Variants in PTPRN2 observed in about 807,000 individuals in gnomAD.
PTPRN2 encodes protein tyrosine phosphatase receptor type N2, also known as receptor-type tyrosine-protein phosphatase N2.
Under a neutral mutation model 118.8 loss-of-function variants are expected in PTPRN2, and 74 were observed. The observed-to-expected ratio is 0.62, with a 90% CI of 0.52 to 0.76. The LOEUF is 0.76. PTPRN2 is among the 30% of genes least tolerant of loss of function. The pLI, the probability that PTPRN2 is intolerant of heterozygous loss-of-function variation, is 0.00. For synonymous variants in PTPRN2, 641 were observed against 608.0 expected, an observed-to-expected ratio of 1.05 and a Z score of -0.80; for missense variants, 1,481 against 1,394.4, an observed-to-expected ratio of 1.06 and a Z score of -0.99.
At chr7:157,576,520 C>CA in intron 19 of PTPRN2, 93 bp downstream of exon 19, 1 of 1,309,182 alleles carries the variant, frequency 7.6e-7, no homozygotes, top group South Asian at 1.6e-5. Flanking sequence ...ACGCGGCCCT[C>CA]GGCGCCAGGG....
At chr7:158,566,134 C>T (rs985844690) in intron 1 of PTPRN2, among the ~76,000 whole-genome samples, 1 of 152,036 alleles carries the variant, frequency 6.6e-6, no homozygotes, top group Non-Finnish European at 1.5e-5. Flanking sequence ...GGGTGGATCA[C>T]CTGAGGTTAG....
At chr7:158,019,865 C>T (rs1055210579) in intron 11 of PTPRN2, among the ~76,000 whole-genome samples, 1 of 152,246 alleles carries the variant, frequency 6.6e-6, no homozygotes, top group African/African-American at 2.4e-5. Flanking sequence ...AGACACAGCA[C>T]AGCGGCCCCC....
chr7:158,244,339 T>A (rs1313131561), intron 3 of PTPRN2, among the ~76,000 whole-genome samples: 2 of 152,202 alleles, frequency 1.3e-5, no homozygotes, highest in African/African-American at 2.4e-5. Context: ...GGCAGTGTCC[T>A]GAAGAAAAAG....
At position 157,985,203 on chromosome 7, in the gene PTPRN2, C is replaced by T. The variant is rs892741735; in HGVS notation, c.1724-86466G>A. ...CATCCAGTGCATTCCACATAAAAAG[C>T]GTGCACCTGGAGGAAACTAAATAAT... On this transcript the variant is annotated intron_variant, in intron 11 of 22. Coordinates refer to ENST00000389418, the MANE Select transcript of PTPRN2 (RefSeq NM_002847.5). 4.6e-5 allele frequency among the ~76,000 whole-genome samples: 7 copies of T among 152,328 alleles called. No individual in the cohort carries two copies. The East Asian group carries it at 5.8e-4, about 13-fold the overall frequency.
chr7:158,297,150 T>C (rs1800560749), intron 3 of PTPRN2, among the ~76,000 whole-genome samples: 1 of 152,226 alleles, frequency 6.6e-6, no homozygotes, highest in African/African-American at 2.4e-5. Flanking sequence ...ACAGCACATA[T>C]ACAGCTTCTG....
intron 13 of PTPRN2, among the ~76,000 whole-genome samples, chr7:157,662,068 T>C (rs1443719203): frequency 6.6e-6 from 1 of 152,180 alleles, no homozygotes; most frequent in Non-Finnish European, 1.5e-5. Flanking sequence ...ACTCATTCAC[T>C]CATAGCACCT....
intron 3 of PTPRN2, among the ~76,000 whole-genome samples, chr7:158,213,460 T>C (rs1827752630): frequency 6.6e-6 from 1 of 152,154 alleles, no homozygotes. Flanking sequence ...TGAAGAATGA[T>C]AGGAAAATTC....
chr7:158,413,645 T>A (rs1814389278), intron 2 of PTPRN2, among the ~76,000 whole-genome samples: 1 of 152,122 alleles, frequency 6.6e-6, no homozygotes, highest in Non-Finnish European at 1.5e-5. Flanking sequence ...CCCACCCCTC[T>A]CCCGGGAGGA....
At chr7:158,358,545 G>A (rs1808571689) in intron 2 of PTPRN2, among the ~76,000 whole-genome samples, 1 of 152,248 alleles carries the variant, frequency 6.6e-6, no homozygotes, top group Non-Finnish European at 1.5e-5. Flanking sequence ...GCCAGACACA[G>A]AAACAACCCA....
chr7:158,067,365 GC>G (rs1382921699), intron 11 of PTPRN2, among the ~76,000 whole-genome samples: 1 of 152,190 alleles, frequency 6.6e-6, no homozygotes, highest in Non-Finnish European at 1.5e-5. Context: ...CTGGCAGGGG[GC>G]AGGGGTTTGT....
At chr7:158,419,829 T>A (rs887524216) in intron 2 of PTPRN2, among the ~76,000 whole-genome samples, 1 of 151,986 alleles carries the variant, frequency 6.6e-6, no homozygotes, top group African/African-American at 2.4e-5. Flanking sequence ...TTTTATTATC[T>A]CCAAATCCAA....
intron 12 of PTPRN2, among the ~76,000 whole-genome samples, chr7:157,846,418 A>G (rs1403749000): frequency 2.0e-5 from 3 of 152,056 alleles, no homozygotes; most frequent in Non-Finnish European, 4.4e-5. Context: ...TGACGCTCTA[A>G]AAATGCAAAG....
intron 17 of PTPRN2, among the ~76,000 whole-genome samples, chr7:157,578,579 G>C (rs1167329226): frequency 6.6e-6 from 1 of 152,226 alleles, no homozygotes; most frequent in Non-Finnish European, 1.5e-5. Flanking sequence ...GCCTCCGAAA[G>C]GCTTCTTTTC....
chr7:158,166,629 G>A lies in PTPRN2; in HGVS notation c.910+302C>T, dbSNP rs540427880. 3.2e-3 allele frequency among the ~76,000 whole-genome samples: 453 copies of A among 143,378 alleles called. 21 individuals are homozygous for A. The East Asian group carries it at 0.09, about 29-fold the overall frequency. 94.1% of individuals were successfully genotyped at this position (143,378 alleles called of 152,430 possible). A position where few individuals can be genotyped will look rare whatever the true frequency, so the allele number is the denominator to read the frequency against. On this transcript the variant is annotated intron_variant, in intron 6 of 22. Coordinates refer to ENST00000389418, the MANE Select transcript of PTPRN2 (RefSeq NM_002847.5). ...ATCACCTCCCCTCCCACTGGCCGCT[G>A]TGTTCACTGTCCTCACACCCTCAGC...
chr7:157,753,058 G>A (rs1054733447), intron 12 of PTPRN2, among the ~76,000 whole-genome samples: 4 of 152,220 alleles, frequency 2.6e-5, no homozygotes, highest in Admixed American at 1.3e-4. Flanking sequence ...GAACTAACTG[G>A]GAGGAAAGGC....
chr7:158,398,232 T>G (rs1324026433), intron 2 of PTPRN2, among the ~76,000 whole-genome samples: 1 of 152,230 alleles, frequency 6.6e-6, no homozygotes, highest in African/African-American at 2.4e-5. Context: ...TTTGAACAGA[T>G]TTGTGTTTTC....
chr7:158,192,262 T>G lies in PTPRN2; in HGVS notation c.549+65A>C, dbSNP rs1825823970. 4 of 1,384,348 alleles carry G rather than the reference T, an allele frequency of 2.9e-6. No homozygotes were observed. The African/African-American group carries it at 4.6e-5, about 16-fold the overall frequency. The allele number at this position is 1,384,348 out of a possible 1,614,324, so 85.8% of individuals were successfully genotyped here. On this transcript the variant is annotated intron_variant, in intron 5 of 22. Coordinates refer to ENST00000389418, the MANE Select transcript of PTPRN2 (RefSeq NM_002847.5). Reference sequence around the variant, plus strand: ...AGAGGAGCCAGCGACTAAGGAAACATGCCCAGGTACCTGCACCCTGAAGGA... The same window carrying G: ...AGAGGAGCCAGCGACTAAGGAAACAGGCCCAGGTACCTGCACCCTGAAGGA...
At chr7:158,040,740 T>C (rs1218624105) in intron 11 of PTPRN2, among the ~76,000 whole-genome samples, 2 of 148,776 alleles carry the variant, frequency 1.3e-5, no homozygotes, top group South Asian at 2.1e-4. Flanking sequence ...TTCTTTCTTT[T>C]TTTTTTTTTT....
At chr7:158,541,764 C>A in intron 1 of PTPRN2, 1 of 1,190,546 alleles carries the variant, frequency 8.4e-7, no homozygotes, top group Middle Eastern at 3.8e-4. Flanking sequence ...GGGCTGCGGA[C>A]GCATAAAAGG....
Sources: allele counts gnomAD v4.1 joint callset (sites outside exome capture counted in the v4.1 genomes callset), GRCh38; gene constraint gnomAD v4.1.1; transcripts MANE v1.5; gene names NCBI Gene and HGNC (gene_info 2026-07-23, HGNC 2026-07-21).